The following TMEM131 variants were observed in gnomAD, a reference collection of about 807,000 sequenced individuals.
TMEM131 encodes 2610524E03Rik.
A neutral mutation model predicts 211.6 loss-of-function variants in TMEM131; 66 were observed. The ratio of observed to expected loss-of-function variants is 0.31; its 90% confidence interval spans 0.26 to 0.38. The LOEUF is 0.38. Among genes scored for constraint, TMEM131 ranks in the 10% least tolerant of loss-of-function variants. TMEM131 has a pLI of 1.00. For synonymous variants in TMEM131, 844 were observed against 841.3 expected (o/e 1.00, Z -0.06); for missense variants, 2,036 against 2,299.3 (o/e 0.89, Z 2.34).
chr2:97,789,039 G>A lies in TMEM131; in HGVS notation c.4144+3347C>T, dbSNP rs529380115. ...GCTCCCAAAACACTCACTAGTTAGT[G>A]GCCACTACTAACAGTCTGATGTGAA... On this transcript the variant is annotated intron_variant, in intron 31 of 40. Transcript: ENST00000186436. 3.0e-4 allele frequency among the ~76,000 whole-genome samples: 46 copies of A among 152,276 alleles called. 1 individual carries two copies. The South Asian group carries it at 9.5e-3, about 32-fold the overall frequency.
chr2:97,970,210 G>A (rs1261006233), intron 1 of TMEM131, among the ~76,000 whole-genome samples: 2 of 152,148 alleles, frequency 1.3e-5, no homozygotes, highest in African/African-American at 4.8e-5. Flanking sequence ...TTAAAGAAAT[G>A]GCTACCTCTT....
chr2:97,961,322 GTATACAA>G (rs1260658743), intron 1 of TMEM131, among the ~76,000 whole-genome samples: 1 of 152,026 alleles, frequency 6.6e-6, no homozygotes, highest in Non-Finnish European at 1.5e-5. Context: ...TTGTATACTT[GTATACAA>G]TATACAATTG....
At chr2:97,927,515 C>T (rs772558631) in intron 1 of TMEM131, 28 bp from the exon 2 acceptor site, 35 of 1,511,792 alleles carry the variant, frequency 2.3e-5, no homozygotes, top group Non-Finnish European at 3.1e-5. Flanking sequence ...CATACCATCA[C>T]TTACAGGAAC....
intron 1 of TMEM131, among the ~76,000 whole-genome samples, chr2:97,978,997 C>T (rs998603316): frequency 6.6e-6 from 1 of 152,162 alleles, no homozygotes; most frequent in Non-Finnish European, 1.5e-5. Flanking sequence ...AGAATGGATG[C>T]TGTGTTAGCA....
intron 11 of TMEM131, chr2:97,827,437 G>C (rs1308908766): frequency 1.9e-6 from 2 of 1,051,696 alleles, no homozygotes; most frequent in Admixed American, 1.7e-5. Context: ...AAAACAGGCC[G>C]AAGTGGCTAA....
rs1329491625 is a variant in TMEM131 at position 97,898,355 on chromosome 2, AC to A, written c.291-10236del. Among the ~76,000 whole-genome samples the A allele has an allele frequency of 8.6e-5, 13 of 151,920 alleles. No individual in the cohort carries two copies. In the South Asian group the frequency reaches 1.0e-3, roughly 12 times the overall value. ...TGTTCTATGAATTGAATTCTCCCCCACCCCACCCGCTACCTCCAAAATTCAC... is the reference window on the plus strand; with the variant it reads ...TGTTCTATGAATTGAATTCTCCCCCACCCACCCGCTACCTCCAAAATTCAC... On this transcript the variant is annotated intron_variant, in intron 3 of 40. Transcript: ENST00000186436.
chr2:97,883,957 C>A (rs1349035739), intron 4 of TMEM131, among the ~76,000 whole-genome samples: 1 of 151,886 alleles, frequency 6.6e-6, no homozygotes, highest in East Asian at 1.9e-4. Flanking sequence ...TATTTCCTTC[C>A]ACTAATTTTG....
intron 11 of TMEM131, among the ~76,000 whole-genome samples, chr2:97,820,684 T>A (rs1046287757): frequency 6.6e-6 from 1 of 151,960 alleles, no homozygotes; most frequent in African/African-American, 2.4e-5. Flanking sequence ...TGGTGAAAGC[T>A]CGTCTCTACT....
chr2:97,898,236 T>C (rs1251283922), intron 3 of TMEM131, among the ~76,000 whole-genome samples: 1 of 152,162 alleles, frequency 6.6e-6, no homozygotes, highest in Non-Finnish European at 1.5e-5. Context: ...AAATTGTTCA[T>C]TATAAAATTT....
chr2:97,766,898 A>G (rs1309355210), intron 33 of TMEM131, among the ~76,000 whole-genome samples: 4 of 152,180 alleles, frequency 2.6e-5, no homozygotes, highest in Non-Finnish European at 5.9e-5. Context: ...TCTATCTCAG[A>G]TAAGGCATAG....
chr2:97,825,549 G>A (rs1478953562), intron 11 of TMEM131, among the ~76,000 whole-genome samples: 1 of 152,174 alleles, frequency 6.6e-6, no homozygotes, highest in Non-Finnish European at 1.5e-5. Context: ...GAGACCCAGA[G>A]GGCAGATACT....
intron 1 of TMEM131, among the ~76,000 whole-genome samples, chr2:97,993,781 G>T (rs189892719): frequency 5.4e-4 from 83 of 152,324 alleles, no homozygotes; most frequent in African/African-American, 1.9e-3. Flanking sequence ...ATGCAAATGA[G>T]AAATTAGCAA....
In TMEM131 at chr2:97,814,440, T is replaced by G. The variant is rs149647379; in HGVS notation, c.1293-52A>C. 4,770 of 1,466,498 alleles carry G rather than the reference T, an allele frequency of 3.3e-3. 16 individuals are homozygous for G. Among genetic ancestry groups the G allele is most frequent in the Middle Eastern group, 7.0e-3 (39 of 5,580 alleles). The allele number at this position is 1,466,498 out of a possible 1,614,324, so 90.8% of individuals were successfully genotyped here. A position where few individuals can be genotyped will look rare whatever the true frequency, so the allele number is the denominator to read the frequency against. ...ATAAATCATTTTTATTTCCATGTGT[T>G]AATTTAAAATCCAAGTTCTTCTGTT... On this transcript the variant is annotated intron_variant, in intron 13 of 40. Coordinates refer to ENST00000186436, the MANE Select transcript of TMEM131 (RefSeq NM_015348.2).
intron 31 of TMEM131, among the ~76,000 whole-genome samples, chr2:97,784,600 A>G (rs1680164248): frequency 6.6e-6 from 1 of 152,122 alleles, no homozygotes; most frequent in South Asian, 2.1e-4. Context: ...TCAATAAAGC[A>G]GGGGTGAGGA....
At chr2:97,842,915 A>T (rs1351107142) in intron 6 of TMEM131, among the ~76,000 whole-genome samples, 1 of 152,202 alleles carries the variant, frequency 6.6e-6, no homozygotes, top group Non-Finnish European at 1.5e-5. Flanking sequence ...AACCATCAAC[A>T]GCGTACTGAA....
intron 3 of TMEM131, among the ~76,000 whole-genome samples, chr2:97,906,422 T>C (rs1676071567): frequency 6.6e-6 from 1 of 152,224 alleles, no homozygotes; most frequent in South Asian, 2.1e-4. Context: ...CTAATATTCC[T>C]GTCATCAGTA....
chr2:97,950,230 C>T (rs1401223230), intron 1 of TMEM131, among the ~76,000 whole-genome samples: 1 of 152,076 alleles, frequency 6.6e-6, no homozygotes, highest in African/African-American at 2.4e-5. Flanking sequence ...GAAAAGTGTT[C>T]GCAAGGCTTT....
chr2:97,828,605 C>T (rs1047932926), intron 11 of TMEM131, among the ~76,000 whole-genome samples: 1 of 152,204 alleles, frequency 6.6e-6, no homozygotes, highest in Non-Finnish European at 1.5e-5. Context: ...ACTCTACAAT[C>T]CCAAATAGAC....
intron 4 of TMEM131, among the ~76,000 whole-genome samples, chr2:97,869,433 G>C (rs939689058): frequency 6.6e-6 from 1 of 152,242 alleles, no homozygotes; most frequent in Non-Finnish European, 1.5e-5. Flanking sequence ...AGGGATCAAA[G>C]AGGAAAGGCA....
Sources: gnomAD v4.1 joint callset for allele counts (sites outside exome capture counted in the v4.1 genomes callset) on GRCh38, gnomAD v4.1.1 for gene constraint, MANE v1.5 for transcripts, NCBI Gene and HGNC (gene_info 2026-07-23, HGNC 2026-07-21) for gene names.